The following EXOSC10 variants were observed in gnomAD, a reference collection of about 807,000 sequenced individuals.
The protein encoded by EXOSC10 is exosome complex component 10.
EXOSC10 carries 94 observed loss-of-function variants against 126.6 expected under a neutral mutation model. The ratio of observed to expected loss-of-function variants is 0.74; its 90% CI spans 0.63 to 0.88. The LOEUF is 0.88. Among genes scored for constraint, EXOSC10 ranks in the 40% least tolerant of loss-of-function variants. EXOSC10 has a pLI of 0.00. For synonymous variants in EXOSC10, 395 were observed against 400.8 expected, an observed-to-expected ratio of 0.99 and a Z score of 0.17; for missense variants, 1,041 against 1,100.5, an observed-to-expected ratio of 0.95 and a Z score of 0.77.
At chr1:11,089,519 G>C (rs895460319) in intron 6 of EXOSC10, among the ~76,000 whole-genome samples, 19 of 151,704 alleles carry the variant, frequency 1.3e-4, no homozygotes, top group Non-Finnish European at 1.6e-4. Flanking sequence ...TACTTGGGAG[G>C]CTGAGGCAGG....
intron 20 of EXOSC10, 61 bp from the exon 21 acceptor site, chr1:11,071,034 C>T (rs1000122249): frequency 8.7e-6 from 13 of 1,486,920 alleles, no homozygotes; most frequent in African/African-American, 2.8e-5. Context: ...TCCCCTCCAT[C>T]TCCATCCCCC....
rs575753977 is a variant in EXOSC10, at chr1:11,068,815, A to G, written c.2489-109T>C. 65 of 853,840 alleles carry G rather than the reference A, an allele frequency of 7.6e-5. 2 individuals are homozygous for G. Among genetic ancestry groups the G allele is most frequent in the South Asian group, 7.5e-4 (56 of 74,410 alleles). 52.9% of individuals were successfully genotyped at this position (853,840 alleles called of 1,614,324 possible). ...GACACTCAGGGAAGCCTTGGCTGTG[A>G]GAGCACCCCTGTCACGATGAGGGGC... is the stretch of plus-strand genomic sequence containing the variant. On this transcript the variant is annotated intron_variant, in intron 22 of 24. Coordinates refer to ENST00000376936, the MANE Select transcript of EXOSC10 (RefSeq NM_001001998.3).
intron 12 of EXOSC10, 66 bp from the exon 13 acceptor site, chr1:11,080,615 A>G (rs557662965): frequency 3.8e-6 from 6 of 1,599,968 alleles, no homozygotes; most frequent in Non-Finnish European, 5.1e-6. Flanking sequence ...CGGTGGGGAC[A>G]CATTACATTC....
intron 2 of EXOSC10, among the ~76,000 whole-genome samples, chr1:11,097,214 C>A (rs376968979): frequency 0.01 from 1,574 of 150,372 alleles, 28 homozygotes; most frequent in African/African-American, 0.033. Flanking sequence ...CGTACTCCCC[C>A]CCAACAAAAA....
At chr1:11,099,068 G>C (rs1226665154) in intron 1 of EXOSC10, among the ~76,000 whole-genome samples, 1 of 152,124 alleles carries the variant, frequency 6.6e-6, no homozygotes, top group African/African-American at 2.4e-5. Flanking sequence ...CAACGTTAGT[G>C]GAATTTCTGT....
chr1:11,083,562 C>CAAAAAAAA (rs35412224), intron 9 of EXOSC10, among the ~76,000 whole-genome samples: 3 of 65,864 alleles, frequency 4.6e-5, no homozygotes, highest in African/African-American at 1.3e-4. Context: ...AACTCCGTCT[C>CAAAAAAAA]AAAAAAAAAA....
Position 11,077,609 on chromosome 1 carries a change from T to C in EXOSC10, c.1792A>G (p.Ser598Gly). 6.2e-7 allele frequency: 1 copy of C among 1,613,740 alleles called. No homozygotes were observed. Among genetic ancestry groups the C allele is most frequent in the Non-Finnish European group, 8.5e-7 (1 of 1,179,802 alleles). ...AGVKKSGPLP[S>G]AERLENVLFG... ...CAGATCCGACACTCTACCTCAGCAC[T>C]GGGCAGCGGTCCGCTCTTCTTCACT... Residue 598 changes from serine (S) to glycine (G), a missense_variant, in exon 15 of 25, where the codon AGT becomes GGT. By Grantham distance (56) the Ser-to-Gly change is moderately conservative (BLOSUM62 0). This residue lies in a region of EXOSC10 where 388 missense variants were observed against 415.2 expected (regional missense o/e 0.93). Coordinates refer to ENST00000376936, the MANE Select transcript of EXOSC10 (RefSeq NM_001001998.3).
At chr1:11,093,549 T>C (rs1052523671) in intron 3 of EXOSC10, among the ~76,000 whole-genome samples, 12 of 152,174 alleles carry the variant, frequency 7.9e-5, no homozygotes, top group African/African-American at 2.2e-4. Context: ...GACTGTCAGA[T>C]GGTTGAAGTC....
chr1:11,096,299 C>T (rs953208150), intron 2 of EXOSC10, among the ~76,000 whole-genome samples: 7 of 151,002 alleles, frequency 4.6e-5, no homozygotes, highest in Non-Finnish European at 7.4e-5. Context: ...TATGGGCACA[C>T]GCCACCAGGT....
chr1:11,075,595 A>G (rs750673416), intron 17 of EXOSC10, among the ~76,000 whole-genome samples: 99 of 152,160 alleles, frequency 6.5e-4, no homozygotes, highest in Non-Finnish European at 1.4e-3. Context: ...GTATTTTCTC[A>G]TTAATTGCTA....
chr1:11,073,879 A>G (rs1639659138), intron 19 of EXOSC10, 55 bp downstream of exon 19: 1 of 815,334 alleles, frequency 1.2e-6, no homozygotes, highest in South Asian at 2.2e-5. Context: ...CTCCATCTCA[A>G]AAAAAAAAAA....
rs114012953 is a variant in EXOSC10 at position 11,074,355 on chromosome 1, A to G, written c.1987-29T>C. 970 of 1,459,926 alleles carry G rather than the reference A, an allele frequency of 6.6e-4. 9 individuals are homozygous for G. The African/African-American group carries it at 0.012, about 18-fold the overall frequency. The allele number at this position is 1,459,926 out of a possible 1,614,324, so 90.4% of individuals were successfully genotyped here. On this transcript the variant is annotated intron_variant, in intron 17 of 24. Transcript: ENST00000376936. ...CAGGGACAGACAAAAAACGATCACT[A>G]ATGACCATGATCATCTGTGACATCA...
chr1:11,098,440 T>C (rs1453094348), intron 1 of EXOSC10, among the ~76,000 whole-genome samples: 1 of 152,210 alleles, frequency 6.6e-6, no homozygotes, highest in Admixed American at 6.5e-5. Flanking sequence ...CTCTGCTACG[T>C]ATTAACTGAG....
rs61687271 is a variant in EXOSC10 at position 11,080,463 on chromosome 1, G to A, written c.1637+36C>T. ...TTTTGAAGAACATCAGATCTACTGA[G>A]AAAGTCAGAACATATTAATCAGATT... On this transcript the variant is annotated intron_variant, in intron 13 of 24. Transcript: ENST00000376936. The A allele has an allele frequency of 5.0e-6, 8 of 1,610,760 alleles. No individual in the cohort carries two copies. The East Asian group carries it at 1.6e-4, about 31-fold the overall frequency.
chr1:11,098,224 TGA>T, intron 1 of EXOSC10, 68 bp from the exon 2 acceptor site: 1 of 1,527,072 alleles, frequency 6.5e-7, no homozygotes, highest in Non-Finnish European at 8.7e-7. Flanking sequence ...GTCATTTTTT[TGA>T]TCTATCGTAT....
At chr1:11,084,273 A>G (rs1640362643) in intron 9 of EXOSC10, among the ~76,000 whole-genome samples, 1 of 152,168 alleles carries the variant, frequency 6.6e-6, no homozygotes, top group African/African-American at 2.4e-5. Context: ...ATTTCTCCAC[A>G]TCTTCTCCAG....
chr1:11,091,752 C>T (rs952322101), intron 3 of EXOSC10, among the ~76,000 whole-genome samples, 155 bp from the exon 4 acceptor site: 5 of 152,288 alleles, frequency 3.3e-5, no homozygotes, highest in Admixed American at 6.5e-5. Context: ...CTTTACAGTT[C>T]TGAATTGGGC....
In EXOSC10 at chr1:11,081,376, A is replaced by G. The variant is rs183522801; in HGVS notation, c.1281-138T>C. On this transcript the variant is annotated intron_variant, in intron 10 of 24. Coordinates refer to ENST00000376936, the MANE Select transcript of EXOSC10 (RefSeq NM_001001998.3). ...TCATAGTCAATACTGCAGTTATGCC[A>G]ACATTTCCTGCATTTTAACATGATA... 2.6e-4 allele frequency: 238 copies of G among 899,348 alleles called. 1 individual carries two copies. In the African/African-American group the frequency reaches 3.4e-3, roughly 13 times the overall value. 55.7% of individuals were successfully genotyped at this position (899,348 alleles called of 1,614,324 possible). A position where few individuals can be genotyped will look rare whatever the true frequency, so the allele number is the denominator to read the frequency against.
intron 9 of EXOSC10, 137 bp from the exon 10 acceptor site, chr1:11,083,015 A>G (rs889644400): frequency 7.1e-6 from 5 of 701,352 alleles, no homozygotes; most frequent in Admixed American, 2.7e-5. Flanking sequence ...CAGTGGTGTG[A>G]TCTTGGCTCA....
Sources: allele counts gnomAD v4.1 joint callset (sites outside exome capture counted in the v4.1 genomes callset), GRCh38; gene constraint gnomAD v4.1.1; regional missense constraint gnomAD v4.1.1; transcripts MANE v1.5; gene names NCBI Gene and HGNC (gene_info 2026-07-23, HGNC 2026-07-21).